Variants in MYB observed in about 807,000 individuals in gnomAD.
MYB encodes MYB proto-oncogene, transcription factor.
Under a neutral mutation model 92.9 loss-of-function variants are expected in MYB, and 28 were observed. The ratio of observed to expected loss-of-function variants is 0.30; its 90% confidence interval spans 0.22 to 0.41. MYB has a LOEUF of 0.41. MYB is among the 10% of genes least tolerant of loss of function. MYB has a pLI of 1.00. For missense variants in MYB, 679 were observed against 929.3 expected (o/e 0.73, Z 3.50); for synonymous variants, 295 against 329.1 (o/e 0.90, Z 1.12).
At chr6:135,202,795 C>T (rs1163921726) in intron 14 of MYB, 1 of 395,464 alleles carries the variant, frequency 2.5e-6, no homozygotes, top group Admixed American at 2.9e-5. Context: ...AGGTCTTGTT[C>T]TAAATTCCCT....
At chr6:135,217,712 CG>C (rs1358896983) in intron 15 of MYB, 151 bp from the exon 16 acceptor site, 1 of 705,842 alleles carries the variant, frequency 1.4e-6, no homozygotes, top group Non-Finnish European at 2.5e-6. Flanking sequence ...TTAAGAACAC[CG>C]GATTTCTGGG....
chr6:135,199,199 A>G (rs868034845), intron 11 of MYB, 149 bp downstream of exon 11: 1 of 671,690 alleles, frequency 1.5e-6, no homozygotes. Flanking sequence ...CATTGAATAT[A>G]TCTGTCCTGG....
chr6:135,202,787 G>A (rs1359851495), intron 14 of MYB: 1 of 389,902 alleles, frequency 2.6e-6, no homozygotes, highest in South Asian at 2.0e-5. Flanking sequence ...AACTCAGAAG[G>A]TCTTGTTCTA....
intron 10 of MYB, among the ~76,000 whole-genome samples, 188 bp downstream of exon 10, chr6:135,197,511 G>A (rs951091470): frequency 3.3e-5 from 5 of 152,148 alleles, no homozygotes; most frequent in Admixed American, 2.0e-4. Flanking sequence ...CAGGCTAACT[G>A]TTGATTTTGG....
In MYB at chr6:135,216,319, A is replaced by T. The variant is rs1382583181; in HGVS notation, c.2170-1545A>T. On this transcript the variant is annotated intron_variant, in intron 15 of 15. Transcript: ENST00000341911. ...ATAATCTACACACATCTTACCATATAATTTTTTTTATTATTTGTATACATT... is the reference window on the plus strand; with the variant it reads ...ATAATCTACACACATCTTACCATATTATTTTTTTTATTATTTGTATACATT... 2.6e-5 allele frequency among the ~76,000 whole-genome samples: 4 copies of T among 152,112 alleles called. No homozygotes were observed. The East Asian group carries it at 7.7e-4, about 29-fold the overall frequency.
chr6:135,202,081 T>C (rs751336389), intron 14 of MYB, among the ~76,000 whole-genome samples: 3 of 152,226 alleles, frequency 2.0e-5, no homozygotes, highest in Non-Finnish European at 4.4e-5. Flanking sequence ...TATTGTCTTC[T>C]TGTTAAGTTG....
chr6:135,203,920 A>G (rs1229805066), intron 15 of MYB: 1 of 1,131,620 alleles, frequency 8.8e-7, no homozygotes, highest in African/African-American at 1.7e-5. Flanking sequence ...TGTTGATGAA[A>G]TATAACCAAT....
At chr6:135,185,853 G>A in intron 1 of MYB, 50 bp from the exon 2 acceptor site, 1 of 1,423,874 alleles carries the variant, frequency 7.0e-7, no homozygotes. Flanking sequence ...TCCAGTAGTA[G>A]TCTAAATCCT....
chr6:135,199,059 T>A lies in MYB; in HGVS notation c.1709+9T>A, dbSNP rs774570024. ...CAAAAGGAAAATACTGTGTAAGTCT[T>A]TGGTTCAGGAATAAAATGATTTATC... On this transcript the variant is annotated intron_variant, in intron 11 of 15. Transcript: ENST00000341911. 2 of 1,572,128 alleles carry A rather than the reference T, an allele frequency of 1.3e-6. No individual in the cohort carries two copies. Among genetic ancestry groups the A allele is most frequent in the South Asian group, 1.2e-5 (1 of 83,340 alleles).
chr6:135,203,031 A>G (rs1443423586), intron 14 of MYB, 186 bp from the exon 15 acceptor site: 4 of 703,294 alleles, frequency 5.7e-6, no homozygotes, highest in African/African-American at 1.7e-5. Context: ...CCACAATGGG[A>G]TTAAGGTTCA....
intron 1 of MYB, among the ~76,000 whole-genome samples, chr6:135,183,814 A>G (rs1223021996): frequency 6.6e-6 from 1 of 152,190 alleles, no homozygotes; most frequent in Non-Finnish European, 1.5e-5. Context: ...CTTAGCTTTT[A>G]AGAGGCACGG....
chr6:135,182,868 G>A lies in MYB; in HGVS notation c.23+1332G>A, dbSNP rs1454746898. The stretch of plus-strand genomic sequence containing the variant: ...AGCGCCGGGGCTTGGTTGGGCTCTG[G>A]GGACGAGAGGGCGACTTGGGGGAGC... On this transcript the variant is annotated intron_variant, in intron 1 of 15. Transcript: ENST00000341911. This position sits in a 1 kb window ranked among gnomAD's most constrained non-coding sequence, Gnocchi z 5.6. 6.6e-6 allele frequency among the ~76,000 whole-genome samples: 1 copy of A among 152,244 alleles called. No individual in the cohort carries two copies. Among genetic ancestry groups the A allele is most frequent in the Admixed American group, 6.5e-5 (1 of 15,300 alleles).
chr6:135,205,601 T>C (rs1778754253), intron 15 of MYB, among the ~76,000 whole-genome samples: 3 of 152,352 alleles, frequency 2.0e-5, no homozygotes, highest in Middle Eastern at 3.4e-3. Context: ...GTGAGTCATA[T>C]TGGCACTTTA....
chr6:135,213,470 A>G (rs1562400089), intron 15 of MYB, among the ~76,000 whole-genome samples: 1 of 152,150 alleles, frequency 6.6e-6, no homozygotes, highest in African/African-American at 2.4e-5. Flanking sequence ...ATCTCACAGG[A>G]ACACAGTCAG....
rs757181423 is a variant in MYB, at chr6:135,194,995, C to T, written c.948+535C>T. On this transcript the variant is annotated intron_variant, in intron 8 of 15. Transcript: ENST00000341911. ...CATTACTGAATTCTGACATCTTTAG[C>T]GACTGGGCAGCCAACTGGGATGGCT... is the stretch of plus-strand genomic sequence containing the variant. 6 of 1,339,942 alleles carry T rather than the reference C, an allele frequency of 4.5e-6. No homozygotes were observed. The Admixed American group carries it at 7.9e-5, about 18-fold the overall frequency. The allele number at this position is 1,339,942 out of a possible 1,614,324, so 83.0% of individuals were successfully genotyped here. A position where few individuals can be genotyped will look rare whatever the true frequency, so the allele number is the denominator to read the frequency against.
At chr6:135,194,954 TGAAA>T (rs1777105556) in intron 8 of MYB, 1 of 1,330,034 alleles carries the variant, frequency 7.5e-7, no homozygotes, top group Non-Finnish European at 9.9e-7. Context: ...TTTGCATGTG[TGAAA>T]GTTATGTGGG....
At chr6:135,193,182 A>G (rs963074564) in intron 6 of MYB, among the ~76,000 whole-genome samples, 1 of 152,170 alleles carries the variant, frequency 6.6e-6, no homozygotes, top group Admixed American at 6.5e-5. Flanking sequence ...CTAGATATTT[A>G]TATTTAGGGA....
chr6:135,185,076 C>G (rs1775739675), intron 1 of MYB, among the ~76,000 whole-genome samples: 1 of 152,110 alleles, frequency 6.6e-6, no homozygotes, highest in Non-Finnish European at 1.5e-5. Flanking sequence ...CTGGGGAAAT[C>G]CCTTCTGGAT....
rs1366252429 is a variant in MYB at position 135,189,892 on chromosome 6, T to C, written c.306+9T>C. 3 of 1,606,786 alleles carry C rather than the reference T, an allele frequency of 1.9e-6. No individual in the cohort carries two copies. Among genetic ancestry groups the C allele is most frequent in the African/African-American group, 2.7e-5 (2 of 74,718 alleles). On this transcript the variant is annotated intron_variant, in intron 4 of 15. Transcript: ENST00000341911. ...AAGAAGAAGATCAGAGAGTAAGTTC[T>C]TTCTTCATTGGTGTGTGACTCATAA...
Sources: allele counts gnomAD v4.1 joint callset (sites outside exome capture counted in the v4.1 genomes callset), GRCh38; gene constraint gnomAD v4.1.1; non-coding constraint Gnocchi (gnomAD v3.1); transcripts MANE v1.5; gene names NCBI Gene and HGNC (gene_info 2026-07-23, HGNC 2026-07-21).